Variants in WWOX observed in about 807,000 individuals in gnomAD.
The protein encoded by WWOX is WW domain-containing oxidoreductase.
In WWOX, 69 loss-of-function variants were observed where a neutral mutation model predicts 46.2. The observed-to-expected ratio is 1.49, with a 90% CI of 1.23 to 1.82. The LOEUF (loss-of-function observed/expected upper bound fraction) is 1.82, where lower values mean the gene tolerates loss of function less well. Ranked by LOEUF, WWOX falls within the 40% of genes most tolerant of loss-of-function variation. The pLI is 0.00. For synonymous variants in WWOX, 359 were observed against 202.6 expected, an observed-to-expected ratio of 1.77 and a Z score of -6.56; for missense variants, 919 against 542.6, an observed-to-expected ratio of 1.69 and a Z score of -6.89.
intron 6 of WWOX, among the ~76,000 whole-genome samples, chr16:78,387,349 C>G (rs1940730582): frequency 6.6e-6 from 1 of 152,120 alleles, no homozygotes. Flanking sequence ...GGTTGACAAT[C>G]CAAGCACCCA....
intron 8 of WWOX, among the ~76,000 whole-genome samples, chr16:78,718,080 G>C (rs1489493213): frequency 6.2e-5 from 4 of 65,008 alleles, no homozygotes; most frequent in Non-Finnish European, 1.2e-4. Context: ...TTTCAAACAA[G>C]GGGTTCTGGT....
At chr16:78,715,620 C>T (rs1290817311) in intron 8 of WWOX, among the ~76,000 whole-genome samples, 2 of 152,122 alleles carry the variant, frequency 1.3e-5, no homozygotes, top group Non-Finnish European at 2.9e-5. Context: ...GCTGGGATTA[C>T]AGGCACATGC....
intron 6 of WWOX, among the ~76,000 whole-genome samples, chr16:78,389,635 G>C (rs777726984): frequency 3.9e-5 from 6 of 152,216 alleles, no homozygotes; most frequent in Non-Finnish European, 7.3e-5. Flanking sequence ...AGGAAAGTGA[G>C]GCTAGAGAGG....
intron 8 of WWOX, among the ~76,000 whole-genome samples, chr16:78,553,974 C>G (rs749122563): frequency 1.3e-5 from 2 of 152,070 alleles, no homozygotes; most frequent in African/African-American, 2.4e-5. Context: ...CTGTGATGCT[C>G]TACTGAGGAG....
intron 8 of WWOX, among the ~76,000 whole-genome samples, chr16:78,802,800 C>G (rs1053131800): frequency 2.0e-5 from 3 of 150,704 alleles, no homozygotes; most frequent in East Asian, 2.0e-4. Context: ...CCTGTAATCC[C>G]AGCTACATGG....
intron 5 of WWOX, among the ~76,000 whole-genome samples, chr16:78,297,325 A>G (rs544820514): frequency 6.6e-5 from 10 of 152,056 alleles, no homozygotes; most frequent in Non-Finnish European, 1.3e-4. Flanking sequence ...CCATGGCCCC[A>G]TATTTCTTGG....
intron 8 of WWOX, among the ~76,000 whole-genome samples, chr16:78,965,992 C>G (rs969540265): frequency 3.3e-5 from 5 of 152,148 alleles, no homozygotes; most frequent in African/African-American, 1.2e-4. Flanking sequence ...GGTTCTGCAC[C>G]TGAGAACAAG....
rs544123290 is a variant in WWOX at position 78,555,336 on chromosome 16, C to CA, written c.1056+122588dup. ...TTTTTATTCTAATACTCACATTTCC[C>CA]AAAACATATCCTTAATATTGTACAT... is the stretch of plus-strand genomic sequence containing the variant. On this transcript the variant is annotated intron_variant, in intron 8 of 8. Coordinates refer to ENST00000566780, the MANE Select transcript of WWOX (RefSeq NM_016373.4). Among the ~76,000 whole-genome samples, 342 of 152,198 alleles carry CA rather than the reference C, an allele frequency of 2.2e-3. 1 individual carries two copies. The highest frequency in any genetic ancestry group is 7.8e-3 in the African/African-American group (323 of 41,516).
In WWOX at chr16:78,640,180, C is replaced by T. The variant is rs577338595; in HGVS notation, c.1056+207428C>T. On this transcript the variant is annotated intron_variant, in intron 8 of 8. Coordinates refer to ENST00000566780, the MANE Select transcript of WWOX (RefSeq NM_016373.4). The stretch of plus-strand genomic sequence containing the variant: ...GTGTCTGGAGTTGCCAACGTCCTCT[C>T]CTTGGGTCATGGGTGTGTGTGTGTG... Among the ~76,000 whole-genome samples, 179 of 147,846 alleles carry T rather than the reference C, an allele frequency of 1.2e-3. 2 individuals carry two copies. The highest frequency in any genetic ancestry group is 4.5e-3 in the Admixed American group (67 of 14,844).
intron 4 of WWOX, among the ~76,000 whole-genome samples, chr16:78,129,504 G>A (rs2033504242): frequency 6.6e-6 from 1 of 152,270 alleles, no homozygotes; most frequent in Admixed American, 6.5e-5. Context: ...GACTGCCGTT[G>A]TGTGTGCAGT....
intron 8 of WWOX, chr16:79,078,306 CCT>C (rs1405897700): frequency 6.6e-6 from 1 of 152,118 alleles, no homozygotes; most frequent in Non-Finnish European, 1.5e-5. Flanking sequence ...GACAAATTCC[CCT>C]GAGTTTGGGT....
chr16:78,803,554 G>A (rs6564590), intron 8 of WWOX, among the ~76,000 whole-genome samples: 4 of 151,608 alleles, frequency 2.6e-5, no homozygotes, highest in Admixed American at 1.3e-4. Flanking sequence ...TCAAGCAGTC[G>A]TCCTGCCTCA....
chr16:78,328,194 C>T (rs2080672865), intron 5 of WWOX, among the ~76,000 whole-genome samples: 2 of 151,906 alleles, frequency 1.3e-5, no homozygotes, highest in African/African-American at 4.8e-5. Context: ...TTAAATTTCA[C>T]AGTCCCTTAC....
At chr16:78,657,695 G>C (rs1362642063) in intron 8 of WWOX, among the ~76,000 whole-genome samples, 13 of 152,138 alleles carry the variant, frequency 8.5e-5, no homozygotes, top group Non-Finnish European at 2.9e-5. Flanking sequence ...GTGGACAAGA[G>C]GTCACATTGC....
At chr16:78,106,660 C>T (rs543377221) in intron 1 of WWOX, among the ~76,000 whole-genome samples, 1 of 152,138 alleles carries the variant, frequency 6.6e-6, no homozygotes, top group East Asian at 1.9e-4. Flanking sequence ...AGGTAATCCG[C>T]CTGCCTTGCC....
intron 8 of WWOX, among the ~76,000 whole-genome samples, chr16:78,537,039 C>A (rs920189616): frequency 1.3e-5 from 2 of 151,974 alleles, no homozygotes; most frequent in African/African-American, 2.4e-5. Flanking sequence ...GCCTCAACGT[C>A]CTGAGAAGCT....
chr16:78,796,307 C>T (rs770606093), intron 8 of WWOX, among the ~76,000 whole-genome samples: 1 of 152,224 alleles, frequency 6.6e-6, no homozygotes, highest in East Asian at 1.9e-4. Flanking sequence ...ACCCTGGAGC[C>T]TCCAAATCCT....
At chr16:78,260,321 C>A (rs963462056) in intron 5 of WWOX, among the ~76,000 whole-genome samples, 1 of 151,572 alleles carries the variant, frequency 6.6e-6, no homozygotes, top group South Asian at 2.1e-4. Context: ...CCACAAAGAC[C>A]CCATCCAAAG....
chr16:78,730,736 A>G (rs1198634282), intron 8 of WWOX, among the ~76,000 whole-genome samples: 2 of 151,412 alleles, frequency 1.3e-5, no homozygotes, highest in Non-Finnish European at 2.9e-5. Flanking sequence ...CTGGGATTAC[A>G]GGTATAAACC....
Sources: gnomAD v4.1 joint callset for allele counts (sites outside exome capture counted in the v4.1 genomes callset) on GRCh38, gnomAD v4.1.1 for gene constraint, MANE v1.5 for transcripts, NCBI Gene and HGNC (gene_info 2026-07-23, HGNC 2026-07-21) for gene names.